The following ZNF423 variants were observed in gnomAD, a reference collection of about 807,000 sequenced individuals.
The protein encoded by ZNF423 is Ebf-associated zinc finger protein.
A neutral mutation model predicts 95.8 loss-of-function variants in ZNF423; 12 were observed. The observed-to-expected ratio is 0.13, with a 90% CI of 0.08 to 0.20. The LOEUF is 0.20. ZNF423 is among the 10% of genes least tolerant of loss of function. The pLI, the probability that ZNF423 is intolerant of heterozygous loss-of-function variation, is 1.00. For synonymous variants in ZNF423, 749 were observed against 711.9 expected (o/e 1.05, Z -0.83); for missense variants, 1,316 against 1,737.1 (o/e 0.76, Z 4.31).
At chr16:49,495,415 A>C (rs1350441968) in intron 7 of ZNF423, among the ~76,000 whole-genome samples, 1 of 152,170 alleles carries the variant, frequency 6.6e-6, no homozygotes, top group African/African-American at 2.4e-5. Flanking sequence ...TGAGACCCAC[A>C]AAAAGAGCCC....
rs1220768986 is a variant in ZNF423 at position 49,635,790 on chromosome 16, C to A, written c.3386G>T (p.Arg1129Leu). 6.2e-7 allele frequency: 1 copy of A among 1,612,288 alleles called. No homozygotes were observed. The highest frequency in any genetic ancestry group is 1.1e-5 in the South Asian group (1 of 91,034). ...AAACTTGACACTGCACTCGGGGCAACGGAGGCCGGCACAGGGCCGGTCGGC... is the reference window on the plus strand; with the variant it reads ...AAACTTGACACTGCACTCGGGGCAAAGGAGGCCGGCACAGGGCCGGTCGGC... ...EPADRPCAGL[R>L]CPECSVKFES... The change falls in exon 4 of 8, where the codon CGT becomes CTT. Residue 1129 changes from arginine (R) to leucine (L), a missense_variant. By Grantham distance (102) the Arg-to-Leu change is moderately radical. This residue lies in a region of ZNF423 where 620 missense variants were observed against 775.6 expected (regional missense o/e 0.80). Coordinates refer to ENST00000563137, the MANE Select transcript of ZNF423 (RefSeq NM_001379286.1). This position sits in a 1 kb window ranked among gnomAD's most constrained non-coding sequence, Gnocchi z 4.8.
intron 3 of ZNF423, among the ~76,000 whole-genome samples, chr16:49,694,001 C>T (rs2031881351): frequency 6.6e-6 from 1 of 152,228 alleles, no homozygotes; most frequent in African/African-American, 2.4e-5. Context: ...CTTAGTCAAG[C>T]TCATAGTCAG....
chr16:49,673,972 G>C (rs1421631222), intron 3 of ZNF423, among the ~76,000 whole-genome samples: 1 of 152,164 alleles, frequency 6.6e-6, no homozygotes, highest in Non-Finnish European at 1.5e-5. Flanking sequence ...AGACATGAAG[G>C]CCTGCTGCTG....
intron 2 of ZNF423, among the ~76,000 whole-genome samples, chr16:49,732,053 G>A (rs186673163): frequency 6.6e-6 from 1 of 152,232 alleles, no homozygotes; most frequent in African/African-American, 2.4e-5. Context: ...TCACAGTCTT[G>A]CATATCCTAA....
At chr16:49,791,840 A>G (rs548885763) in intron 1 of ZNF423, among the ~76,000 whole-genome samples, 1 of 152,038 alleles carries the variant, frequency 6.6e-6, no homozygotes, top group Admixed American at 6.5e-5. Context: ...CATCTCTACT[A>G]AAAATACAAA....
intron 2 of ZNF423, chr16:49,780,757 A>G (rs1265961051): frequency 6.6e-6 from 1 of 152,240 alleles, no homozygotes; most frequent in Non-Finnish European, 1.5e-5. Context: ...GGCTCCACTT[A>G]GCTCAACTCC....
At chr16:49,841,234 C>T (rs893469701) in intron 1 of ZNF423, among the ~76,000 whole-genome samples, 9 of 152,142 alleles carry the variant, frequency 5.9e-5, no homozygotes, top group African/African-American at 2.2e-4. Flanking sequence ...TAGGTTGTTC[C>T]GAAGGCAGGA....
chr16:49,538,292 G>A (rs1271523975), intron 5 of ZNF423, among the ~76,000 whole-genome samples: 5 of 152,204 alleles, frequency 3.3e-5, no homozygotes, highest in Admixed American at 6.5e-5. Flanking sequence ...AGCAGTGCCA[G>A]GCCCACACAC....
intron 2 of ZNF423, among the ~76,000 whole-genome samples, chr16:49,736,668 G>A (rs1047115676): frequency 6.6e-6 from 1 of 152,130 alleles, no homozygotes; most frequent in Non-Finnish European, 1.5e-5. Context: ...GGTGGTGCAC[G>A]CCTGTGGTCC....
chr16:49,833,229 C>G (rs2035080118), intron 1 of ZNF423, among the ~76,000 whole-genome samples: 1 of 152,244 alleles, frequency 6.6e-6, no homozygotes, highest in African/African-American at 2.4e-5. Context: ...CAGGGGAACA[C>G]CACTCCGCAG....
chr16:49,765,111 C>T (rs1004607321), intron 2 of ZNF423, among the ~76,000 whole-genome samples: 9 of 151,992 alleles, frequency 5.9e-5, no homozygotes, highest in South Asian at 4.1e-4. Context: ...TCTACCTTCA[C>T]CTCAATCCCA....
intron 1 of ZNF423, among the ~76,000 whole-genome samples, chr16:49,828,592 G>C (rs1245651353): frequency 1.3e-5 from 2 of 152,208 alleles, no homozygotes; most frequent in Non-Finnish European, 2.9e-5. Flanking sequence ...CACTTTGAGG[G>C]ACTTGGGGAG....
chr16:49,560,059 C>T (rs1969966396), intron 5 of ZNF423, among the ~76,000 whole-genome samples: 1 of 152,190 alleles, frequency 6.6e-6, no homozygotes. Context: ...AGAACATATG[C>T]TCTGTATGGC....
At chr16:49,802,680 C>A (rs66850918) in intron 1 of ZNF423, among the ~76,000 whole-genome samples, 10,700 of 152,066 alleles carry the variant, frequency 0.07, 416 homozygotes, top group South Asian at 0.12. Context: ...CTAGGCTTTG[C>A]CCCTATGTTC....
chr16:49,796,658 GA>G (rs2034503957), intron 1 of ZNF423, among the ~76,000 whole-genome samples: 1 of 152,202 alleles, frequency 6.6e-6, no homozygotes, highest in South Asian at 2.1e-4. Context: ...GAGACAAACA[GA>G]GGCTAGTGCT....
intron 1 of ZNF423, among the ~76,000 whole-genome samples, chr16:49,806,263 G>T (rs915266607): frequency 6.6e-6 from 1 of 152,196 alleles, no homozygotes; most frequent in Non-Finnish European, 1.5e-5. Flanking sequence ...CCACACAACC[G>T]CCAGATGAAA....
intron 5 of ZNF423, among the ~76,000 whole-genome samples, chr16:49,599,919 A>G (rs1334081488): frequency 6.6e-6 from 1 of 152,176 alleles, no homozygotes. Context: ...GAAGTGCTCA[A>G]TTTGTTGATG....
At chr16:49,838,008 G>A (rs1000371252) in intron 1 of ZNF423, among the ~76,000 whole-genome samples, 18 of 152,230 alleles carry the variant, frequency 1.2e-4, no homozygotes, top group African/African-American at 3.4e-4. Flanking sequence ...CTGAAGGCAA[G>A]GACCCAGCAC....
chr16:49,673,843 T>G (rs2030927112), intron 3 of ZNF423, among the ~76,000 whole-genome samples: 2 of 152,200 alleles, frequency 1.3e-5, no homozygotes, highest in Admixed American at 6.5e-5. Context: ...TTCAGGAGCA[T>G]GAGCTCTAAA....
Sources: gnomAD v4.1 joint callset for allele counts (sites outside exome capture counted in the v4.1 genomes callset) on GRCh38, gnomAD v4.1.1 for gene constraint, gnomAD v4.1.1 regional missense constraint, Gnocchi (gnomAD v3.1) non-coding constraint, MANE v1.5 for transcripts, NCBI Gene and HGNC (gene_info 2026-07-23, HGNC 2026-07-21) for gene names.